SOX5: variants seen among roughly 807,000 people sequenced by gnomAD.
SOX5 encodes the protein transcription factor SOX-5.
In SOX5, 9 loss-of-function variants were observed where a neutral mutation model predicts 92.0. That is an observed-to-expected ratio of 0.10 (90% CI 0.06 to 0.17). SOX5 has a LOEUF of 0.17. SOX5 is among the 10% of genes least tolerant of loss of function. The pLI is 1.00. For missense variants in SOX5, 642 were observed against 944.5 expected (o/e 0.68, Z 4.20); for synonymous variants, 344 against 336.3 (o/e 1.02, Z -0.25).
intron 4 of SOX5, among the ~76,000 whole-genome samples, chr12:24,095,106 CACACACACACACACACACACACAGAGAG>C (rs1375407406): frequency 2.9e-5 from 3 of 102,736 alleles, no homozygotes; most frequent in South Asian, 4.6e-4. Context: ...CACACACACA[CACACACACACACACACACACACAGAGAG>C]AGAGAGAGAG....
chr12:24,308,300 C>T (rs1948819790), intron 2 of SOX5, among the ~76,000 whole-genome samples: 1 of 152,154 alleles, frequency 6.6e-6, no homozygotes, highest in African/African-American at 2.4e-5. Flanking sequence ...AACGCAAGAC[C>T]CGGGAAGTAT....
At chr12:23,979,696 A>ACG (rs1949301745) in intron 4 of SOX5, among the ~76,000 whole-genome samples, 1 of 27,430 alleles carries the variant, frequency 3.6e-5, no homozygotes, top group Non-Finnish European at 7.5e-5. Context: ...ATATATATAT[A>ACG]TGTTTTTTTT....
intron 3 of SOX5, among the ~76,000 whole-genome samples, chr12:23,841,548 T>A (rs1372464171): frequency 6.6e-6 from 1 of 152,136 alleles, no homozygotes; most frequent in Admixed American, 6.6e-5. Flanking sequence ...GCAACCAATA[T>A]GTGCTTTGAT....
chr12:24,187,567 A>G (rs776580026), intron 4 of SOX5, among the ~76,000 whole-genome samples: 1 of 152,166 alleles, frequency 6.6e-6, no homozygotes, highest in Non-Finnish European at 1.5e-5. Flanking sequence ...ATTAGTTTAA[A>G]TTTACGTCTC....
intron 4 of SOX5, among the ~76,000 whole-genome samples, chr12:23,747,436 C>T (rs950700782): frequency 1.3e-5 from 2 of 152,252 alleles, no homozygotes; most frequent in East Asian, 1.9e-4. Context: ...CTTTATTCTG[C>T]ACATGGAATA....
At chr12:23,717,883 G>A (rs1473936589) in intron 6 of SOX5, among the ~76,000 whole-genome samples, 1 of 152,116 alleles carries the variant, frequency 6.6e-6, no homozygotes, top group Admixed American at 6.6e-5. Context: ...TATTGGCACT[G>A]GGGGAAAATG....
intron 1 of SOX5, 64 bp downstream of exon 1, chr12:23,949,500 C>G (rs1055766696): frequency 6.3e-7 from 1 of 1,595,218 alleles, no homozygotes; most frequent in Non-Finnish European, 8.6e-7. Flanking sequence ...TCCAATGATT[C>G]AGAGACTACT....
chr12:24,378,949 G>A (rs905376667), intron 1 of SOX5, among the ~76,000 whole-genome samples: 1 of 152,170 alleles, frequency 6.6e-6, no homozygotes, highest in Non-Finnish European at 1.5e-5. Flanking sequence ...CCTTACAGAT[G>A]TAGATTTGTC....
chr12:23,550,577 C>A (rs1285584053), intron 11 of SOX5, among the ~76,000 whole-genome samples: 2 of 151,758 alleles, frequency 1.3e-5, no homozygotes, highest in African/African-American at 2.4e-5. Flanking sequence ...TTCTGTATAA[C>A]CAAATATGCA....
chr12:24,379,832 TA>T (rs35373420), intron 1 of SOX5, among the ~76,000 whole-genome samples: 239 of 140,662 alleles, frequency 1.7e-3, no homozygotes, highest in Middle Eastern at 3.6e-3. Context: ...TTTACCACTT[TA>T]AAAAAAAAAA....
intron 4 of SOX5, among the ~76,000 whole-genome samples, chr12:23,976,747 C>T (rs1302503032): frequency 1.3e-5 from 2 of 151,902 alleles, no homozygotes; most frequent in African/African-American, 4.8e-5. Context: ...AACATCAGTC[C>T]CGCTGATAAC....
chr12:23,646,241 C>G (rs1309474516), intron 7 of SOX5, among the ~76,000 whole-genome samples: 1 of 152,112 alleles, frequency 6.6e-6, no homozygotes, highest in Non-Finnish European at 1.5e-5. Flanking sequence ...GTGGCGCAAA[C>G]ATTACTCACT....
intron 2 of SOX5, among the ~76,000 whole-genome samples, chr12:24,332,515 T>C (rs557525589): frequency 6.6e-5 from 10 of 152,016 alleles, no homozygotes; most frequent in South Asian, 2.1e-4. Flanking sequence ...TAAAAAGATA[T>C]GGAGTTTAGG....
At chr12:24,189,811 A>T (rs1458188981) in intron 4 of SOX5, among the ~76,000 whole-genome samples, 3 of 152,198 alleles carry the variant, frequency 2.0e-5, no homozygotes, top group African/African-American at 7.2e-5. Flanking sequence ...TGTATGCTTT[A>T]TAAAATCATG....
intron 4 of SOX5, among the ~76,000 whole-genome samples, chr12:24,141,998 T>C (rs967772355): frequency 1.3e-5 from 2 of 152,000 alleles, no homozygotes; most frequent in Non-Finnish European, 2.9e-5. Flanking sequence ...TGTACTAAAA[T>C]ATCCAGGATC....
intron 2 of SOX5, among the ~76,000 whole-genome samples, chr12:23,859,869 G>C (rs1489609035): frequency 6.6e-6 from 1 of 152,080 alleles, no homozygotes; most frequent in Non-Finnish European, 1.5e-5. Context: ...TCCCCCAATA[G>C]TTCACAATAG....
chr12:23,896,600 T>C (rs1458403822), intron 1 of SOX5, among the ~76,000 whole-genome samples: 5 of 152,110 alleles, frequency 3.3e-5, no homozygotes, highest in Middle Eastern at 3.4e-3. Flanking sequence ...TATTAAGGAT[T>C]GAATAAATTT....
chr12:24,441,985 TA>T (rs1449529394), intron 1 of SOX5, among the ~76,000 whole-genome samples: 1 of 152,140 alleles, frequency 6.6e-6, no homozygotes. Flanking sequence ...GTAGGAAACT[TA>T]AAACAGTGGA....
At chr12:23,823,228 T>C (rs2096158544) in intron 3 of SOX5, among the ~76,000 whole-genome samples, 1 of 152,222 alleles carries the variant, frequency 6.6e-6, no homozygotes, top group Non-Finnish European at 1.5e-5. Flanking sequence ...CTTTACATTT[T>C]GGTTTGTTTT....
Sources: allele counts gnomAD v4.1 joint callset (sites outside exome capture counted in the v4.1 genomes callset), GRCh38; gene constraint gnomAD v4.1.1; transcripts MANE v1.5; gene names NCBI Gene and HGNC (gene_info 2026-07-23, HGNC 2026-07-21).